Variants in SLC25A21 observed in about 807,000 individuals in gnomAD.
SLC25A21 encodes mitochondrial 2-oxodicarboxylate carrier.
A neutral mutation model predicts 43.8 loss-of-function variants in SLC25A21; 47 were observed. The ratio of observed to expected loss-of-function variants is 1.07; its 90% CI spans 0.85 to 1.37. SLC25A21 has a LOEUF of 1.37. Ranked by LOEUF, SLC25A21 falls within the 40% of genes most tolerant of loss-of-function variation. The probability of loss-of-function intolerance (pLI) is 0.00; values close to 1 mark genes in which losing one functional copy is unlikely to be tolerated. For synonymous variants in SLC25A21, 131 were observed against 121.3 expected, an observed-to-expected ratio of 1.08 and a Z score of -0.52; for missense variants, 352 against 350.2, an observed-to-expected ratio of 1.00 and a Z score of -0.04.
chr14:36,822,491 C>T (rs1318470068), intron 2 of SLC25A21, among the ~76,000 whole-genome samples: 1 of 152,144 alleles, frequency 6.6e-6, no homozygotes, highest in Non-Finnish European at 1.5e-5. Context: ...CAGAGCTATG[C>T]ATTGGCTTAA....
chr14:37,088,809 G>A (rs184696781), intron 1 of SLC25A21, among the ~76,000 whole-genome samples: 144 of 152,206 alleles, frequency 9.5e-4, no homozygotes, highest in African/African-American at 3.2e-3. Flanking sequence ...GCAAACGACC[G>A]GCCCACCCGA....
intron 2 of SLC25A21, among the ~76,000 whole-genome samples, chr14:36,854,600 G>A (rs780301474): frequency 1.3e-5 from 2 of 152,190 alleles, no homozygotes; most frequent in Non-Finnish European, 2.9e-5. Flanking sequence ...GCAAATGCTC[G>A]AGAAGGTAGT....
intron 1 of SLC25A21, among the ~76,000 whole-genome samples, chr14:36,983,495 CA>C (rs1960076479): frequency 6.6e-6 from 1 of 151,884 alleles, no homozygotes; most frequent in South Asian, 2.1e-4. Context: ...AGTAAAGAAA[CA>C]AAAAATATGT....
chr14:36,848,323 C>A (rs1889613760), intron 2 of SLC25A21, among the ~76,000 whole-genome samples: 1 of 152,172 alleles, frequency 6.6e-6, no homozygotes, highest in Non-Finnish European at 1.5e-5. Context: ...TATGTATATT[C>A]TCCATACTGT....
At chr14:37,159,502 T>C (rs779500250) in intron 1 of SLC25A21, among the ~76,000 whole-genome samples, 9 of 152,038 alleles carry the variant, frequency 5.9e-5, no homozygotes, top group Admixed American at 1.3e-4. Context: ...CAAAAAATGG[T>C]ACTAGGAAAA....
chr14:36,970,020 T>G (rs148718645), intron 1 of SLC25A21, among the ~76,000 whole-genome samples: 202 of 152,308 alleles, frequency 1.3e-3, no homozygotes, highest in African/African-American at 3.8e-3. Context: ...CCTATAAAGT[T>G]GTTACAATTG....
chr14:36,951,718 A>G (rs1378169857), intron 1 of SLC25A21, among the ~76,000 whole-genome samples: 1 of 152,206 alleles, frequency 6.6e-6, no homozygotes, highest in African/African-American at 2.4e-5. Flanking sequence ...ATATTGCACA[A>G]TTCTACACAC....
intron 1 of SLC25A21, among the ~76,000 whole-genome samples, chr14:37,151,808 G>A (rs9630377): frequency 0.012 from 1,877 of 152,260 alleles, 38 homozygotes; most frequent in African/African-American, 0.043. Context: ...GCCAAGGCGG[G>A]CAGATCACTT....
At chr14:36,685,168 C>G (rs999415265) in intron 7 of SLC25A21, among the ~76,000 whole-genome samples, 1 of 152,184 alleles carries the variant, frequency 6.6e-6, no homozygotes, top group African/African-American at 2.4e-5. Flanking sequence ...TTTATAAACA[C>G]AGTTCATAAA....
intron 1 of SLC25A21, among the ~76,000 whole-genome samples, chr14:37,148,641 T>C (rs1447024381): frequency 6.6e-6 from 1 of 152,210 alleles, no homozygotes; most frequent in Non-Finnish European, 1.5e-5. Context: ...AATTGCTTTG[T>C]GGCAAATGCA....
intron 7 of SLC25A21, among the ~76,000 whole-genome samples, chr14:36,692,063 G>T (rs1401315981): frequency 6.6e-6 from 1 of 152,192 alleles, no homozygotes; most frequent in Non-Finnish European, 1.5e-5. Flanking sequence ...GTTTTCCAAA[G>T]ACACATGGCT....
intron 1 of SLC25A21, among the ~76,000 whole-genome samples, chr14:36,923,606 G>T (rs1178802789): frequency 6.6e-6 from 1 of 152,050 alleles, no homozygotes; most frequent in Admixed American, 6.6e-5. Context: ...CATGTTGTGG[G>T]GTTTATAATA....
At chr14:36,986,626 A>G (rs1284054865) in intron 1 of SLC25A21, among the ~76,000 whole-genome samples, 1 of 152,084 alleles carries the variant, frequency 6.6e-6, no homozygotes, top group African/African-American at 2.4e-5. Context: ...CAGGTTAGCA[A>G]TCTCCTGTTA....
At chr14:36,684,650 G>A in intron 8 of SLC25A21, 94 bp downstream of exon 8, 1 of 1,170,854 alleles carries the variant, frequency 8.5e-7, no homozygotes, top group East Asian at 2.5e-5. Context: ...CCACTTAGGA[G>A]GGCTTACTGG....
intron 1 of SLC25A21, among the ~76,000 whole-genome samples, chr14:37,118,153 A>G (rs1398384859): frequency 1.3e-5 from 2 of 152,132 alleles, no homozygotes; most frequent in African/African-American, 4.8e-5. Context: ...AGAGGTCACA[A>G]TATTTGCAGC....
At chr14:36,822,445 G>T (rs712344) in intron 2 of SLC25A21, among the ~76,000 whole-genome samples, 146,097 of 152,340 alleles carry the variant, frequency 0.96, 70,350 homozygotes, top group East Asian at 1. Context: ...TCTTTGACTG[G>T]TTAAAATCTA....
chr14:36,794,683 C>A (rs951482593), intron 3 of SLC25A21, among the ~76,000 whole-genome samples: 2 of 151,554 alleles, frequency 1.3e-5, no homozygotes, highest in Non-Finnish European at 1.5e-5. Context: ...ACAGGAGAAT[C>A]GCTTGAATCT....
At chr14:37,038,862 C>A (rs1961383200) in intron 1 of SLC25A21, among the ~76,000 whole-genome samples, 1 of 152,138 alleles carries the variant, frequency 6.6e-6, no homozygotes, top group Non-Finnish European at 1.5e-5. Context: ...CCCCAGCCGA[C>A]CAGGGTCTCC....
chr14:36,712,839 A>AT (rs1446438566), intron 6 of SLC25A21, among the ~76,000 whole-genome samples: 5 of 152,158 alleles, frequency 3.3e-5, no homozygotes, highest in Admixed American at 6.5e-5. Flanking sequence ...ACAACATGAG[A>AT]TTTTTTTGTG....
Sources: allele counts gnomAD v4.1 joint callset (sites outside exome capture counted in the v4.1 genomes callset), GRCh38; gene constraint gnomAD v4.1.1; transcripts MANE v1.5; gene names NCBI Gene and HGNC (gene_info 2026-07-23, HGNC 2026-07-21).